The following DNAJC25 variants were observed in gnomAD, a reference collection of about 807,000 sequenced individuals.
DNAJC25 encodes DnaJ heat shock protein family (Hsp40) member C25.
DNAJC25 carries 26 observed loss-of-function variants against 42.1 expected under a neutral mutation model. The observed-to-expected ratio is 0.62, with a 90% CI of 0.45 to 0.86. The LOEUF (loss-of-function observed/expected upper bound fraction) is 0.86. DNAJC25 is among the 40% of genes least tolerant of loss of function. DNAJC25 has a pLI of 0.00. For synonymous variants in DNAJC25, 189 were observed against 179.9 expected (o/e 1.05, Z -0.40); for missense variants, 404 against 459.4 (o/e 0.88, Z 1.10).
intron 1 of DNAJC25, among the ~76,000 whole-genome samples, chr9:111,637,112 C>T (rs770156987): frequency 3.3e-5 from 5 of 152,082 alleles, no homozygotes; most frequent in African/African-American, 4.8e-5. Flanking sequence ...ACAGATTTAT[C>T]GTAGGTAAAT....
intron 1 of DNAJC25, among the ~76,000 whole-genome samples, chr9:111,640,563 C>T (rs1720573566): frequency 1.8e-5 from 1 of 55,486 alleles, no homozygotes; most frequent in African/African-American, 9.9e-5. Context: ...ATGTGGGGAG[C>T]GCCTCTGCCC....
intron 3 of DNAJC25, among the ~76,000 whole-genome samples, chr9:111,650,529 G>A (rs1830643735): frequency 1.3e-5 from 2 of 152,112 alleles, no homozygotes; most frequent in Admixed American, 6.5e-5. Context: ...GAGGTGATCC[G>A]CTACCTAGCC....
At position 111,653,287 on chromosome 9, in the gene DNAJC25, T is replaced by C. The variant is rs911324400; in HGVS notation, c.*65T>C. ...TATTATTTTCATAACTGAATTATTT[T>C]AGAAATGTATCAATTGACTGCTGCT... On this transcript the variant is annotated 3_prime_UTR_variant, in exon 4 of 4. Transcript: ENST00000313525. 1.5e-5 allele frequency: 21 copies of C among 1,404,520 alleles called. No individual in the cohort carries two copies. In the African/African-American group the frequency reaches 2.9e-4, roughly 19 times the overall value. The allele number at this position is 1,404,520 out of a possible 1,614,324, so 87.0% of individuals were successfully genotyped here.
At chr9:111,644,821 A>G (rs1830541843) in intron 1 of DNAJC25, among the ~76,000 whole-genome samples, 1 of 152,224 alleles carries the variant, frequency 6.6e-6, no homozygotes, top group Non-Finnish European at 1.5e-5. Context: ...CAGAGGGAGA[A>G]TGGGAAAATT....
At chr9:111,643,166 C>G in intron 1 of DNAJC25, 1 of 225,354 alleles carries the variant, frequency 4.4e-6, no homozygotes, top group East Asian at 1.0e-4. Flanking sequence ...ACTATGAATT[C>G]AAGCAGTCAC....
chr9:111,636,311 A>AT (rs1830362566), intron 1 of DNAJC25, among the ~76,000 whole-genome samples: 1 of 152,208 alleles, frequency 6.6e-6, no homozygotes, highest in South Asian at 2.1e-4. Context: ...ATGAGGTATT[A>AT]TAGTAATGAG....
chr9:111,642,348 C>T (rs1830489648), intron 1 of DNAJC25, among the ~76,000 whole-genome samples: 1 of 108,126 alleles, frequency 9.2e-6, no homozygotes, highest in Non-Finnish European at 1.9e-5. Flanking sequence ...GCTGTGTCCA[C>T]TCAGAGTTAA....
At chr9:111,632,153 G>C (rs540531621) in intron 1 of DNAJC25, among the ~76,000 whole-genome samples, 103 of 151,730 alleles carry the variant, frequency 6.8e-4, no homozygotes, top group African/African-American at 2.3e-3. Flanking sequence ...ACAGAAAATT[G>C]GTTTCTGGAA....
Position 111,649,648 on chromosome 9 carries a change from A to G in DNAJC25, c.685A>G (p.Lys229Glu), listed in dbSNP as rs1390326993. ...ENIIKNIIKS[K>E]IDIKGGYQKP... ...CATCATAAAGAACATTATAAAAAGT[A>G]AAATAGATATAAAGGGGGGCTATCA... is the stretch of plus-strand genomic sequence containing the variant. Residue 229 changes from lysine to glutamate, a missense_variant, in exon 3 of 4, where the codon AAA (lysine) becomes GAA (glutamate). Coordinates refer to ENST00000313525, the MANE Select transcript of DNAJC25 (RefSeq NM_001015882.3). The G allele has an allele frequency of 6.2e-7, 1 of 1,613,860 alleles. No homozygotes were observed. Among genetic ancestry groups the G allele is most frequent in the South Asian group, 1.1e-5 (1 of 91,036 alleles).
chr9:111,641,550 G>A (rs1830466548), intron 1 of DNAJC25, among the ~76,000 whole-genome samples: 1 of 111,028 alleles, frequency 9.0e-6, no homozygotes, highest in Non-Finnish European at 1.8e-5. Flanking sequence ...ACCCCGCCCG[G>A]CCAGCCGCCC....
intron 1 of DNAJC25, among the ~76,000 whole-genome samples, chr9:111,643,531 A>T (rs1182764831): frequency 6.6e-6 from 1 of 152,232 alleles, no homozygotes; most frequent in Non-Finnish European, 1.5e-5. Context: ...AGAAATAGAC[A>T]TTTGAAGACA....
At position 111,631,379 on chromosome 9, in the gene DNAJC25, G is replaced by C; in HGVS notation, c.-29G>C. 3.1e-6 allele frequency: 4 copies of C among 1,273,590 alleles called. No individual in the cohort carries two copies. The South Asian group carries it at 1.2e-4, about 38-fold the overall frequency. The allele number at this position is 1,273,590 out of a possible 1,614,324, so 78.9% of individuals were successfully genotyped here. On this transcript the variant is annotated 5_prime_UTR_variant, in exon 1 of 4. Transcript: ENST00000313525. ...GCGGCTGAGTGCTGCAGAATCGCTG[G>C]GGTGGCAGAGCCGCCAGCGAGGCTG...
chr9:111,643,026 G>T, intron 1 of DNAJC25: 1 of 435,474 alleles, frequency 2.3e-6, no homozygotes, highest in Non-Finnish European at 4.8e-6. Context: ...AAAGAAGTTG[G>T]AATCTCCAGA....
At chr9:111,631,964 C>G (rs1171085716) in intron 1 of DNAJC25, among the ~76,000 whole-genome samples, 1 of 152,246 alleles carries the variant, frequency 6.6e-6, no homozygotes, top group African/African-American at 2.4e-5. Context: ...TGCCCTCTTC[C>G]TTTTTGTGAC....
chr9:111,653,024 A>G (rs1830687284), intron 3 of DNAJC25, 76 bp from the exon 4 acceptor site: 1 of 1,386,710 alleles, frequency 7.2e-7, no homozygotes. Context: ...TGTTAGAAAA[A>G]TGTAAATATG....
At chr9:111,633,996 T>C (rs959146868) in intron 1 of DNAJC25, among the ~76,000 whole-genome samples, 2 of 151,850 alleles carry the variant, frequency 1.3e-5, no homozygotes, top group African/African-American at 4.8e-5. Context: ...AACAGGGGAG[T>C]GGAAGTGGAG....
Position 111,631,590 on chromosome 9 carries a change from C to T in DNAJC25, c.183C>T (p.Gly61=), listed in dbSNP as rs1830278436. 1 of 1,469,902 alleles carries T rather than the reference C, an allele frequency of 6.8e-7. No homozygotes were observed. Among genetic ancestry groups the T allele is most frequent in the Non-Finnish European group, 8.9e-7 (1 of 1,119,022 alleles). The allele number at this position is 1,469,902 out of a possible 1,614,324, so 91.1% of individuals were successfully genotyped here. A position where few individuals can be genotyped will look rare whatever the true frequency, so the allele number is the denominator to read the frequency against. The change falls in exon 1 of 4, where the codon GGC becomes GGT. Residue 61 remains glycine, a synonymous_variant. Transcript: ENST00000313525. ...TGCTGGGCGTGAGCCGCTCGGCGGG[C>T]AAGGCGGAGATCGCGCGGGCCTACC... is the stretch of plus-strand genomic sequence containing the variant. ...YEVLGVSRSA[G]KAEIARAYRQ...
intron 1 of DNAJC25, among the ~76,000 whole-genome samples, chr9:111,636,878 C>T (rs1048794337): frequency 6.6e-6 from 1 of 152,136 alleles, no homozygotes; most frequent in Non-Finnish European, 1.5e-5. Flanking sequence ...ACTATTTCTG[C>T]TGTGAACCCG....
intron 2 of DNAJC25, 27 bp downstream of exon 2, chr9:111,647,286 A>G (rs1447321675): frequency 2.5e-6 from 4 of 1,612,748 alleles, no homozygotes; most frequent in East Asian, 2.2e-5. Context: ...ATTTTTATCT[A>G]CATTTATGTG....
Sources: gnomAD v4.1 joint callset for allele counts (sites outside exome capture counted in the v4.1 genomes callset) on GRCh38, gnomAD v4.1.1 for gene constraint, MANE v1.5 for transcripts, NCBI Gene and HGNC (gene_info 2026-07-23, HGNC 2026-07-21) for gene names.